Variants in CYTH1 observed in about 807,000 individuals in gnomAD.
The protein encoded by CYTH1 is cytohesin 1, also known as cytohesin-1.
In CYTH1, 18 loss-of-function variants were observed where a neutral mutation model predicts 61.8. The observed-to-expected ratio is 0.29, with a 90% CI of 0.20 to 0.43. The LOEUF (loss-of-function observed/expected upper bound fraction) is 0.43, where lower values mean the gene tolerates loss of function less well. CYTH1 is among the 20% of genes least tolerant of loss of function. The pLI is 1.00. For missense variants in CYTH1, 336 were observed against 510.5 expected (o/e 0.66, Z 3.29); for synonymous variants, 174 against 184.3 (o/e 0.94, Z 0.45).
At chr17:78,726,505 C>G (rs147668863) in intron 1 of CYTH1, among the ~76,000 whole-genome samples, 36 of 152,202 alleles carry the variant, frequency 2.4e-4, no homozygotes, top group African/African-American at 7.0e-4. Context: ...AAAAAAGAAA[C>G]AGGCAGCCCG....
rs552747887 is a variant in CYTH1, at chr17:78,695,560, G to GT, written c.814+446dup. Among the ~76,000 whole-genome samples the GT allele has an allele frequency of 1.3e-4, 20 of 152,266 alleles. 1 individual carries two copies. Among genetic ancestry groups the GT allele is most frequent in the South Asian group, 8.3e-4 (4 of 4,830 alleles). On this transcript the variant is annotated intron_variant, in intron 10 of 13. Coordinates refer to ENST00000446868, the MANE Select transcript of CYTH1 (RefSeq NM_004762.6). ...AAGTCAAGACTTTGTTCTCTCTGGAGTAAGTCTCAGCTTGAAAAAAGAAGA... is the reference window on the plus strand; with the variant it reads ...AAGTCAAGACTTTGTTCTCTCTGGAGTTAAGTCTCAGCTTGAAAAAAGAAGA...
At chr17:78,708,340 C>T (rs547366215) in intron 2 of CYTH1, 79 bp from the exon 3 acceptor site, 18 of 1,320,338 alleles carry the variant, frequency 1.4e-5, no homozygotes, top group Middle Eastern at 1.8e-4. Context: ...CACATAACTC[C>T]CTCCAACCAA....
chr17:78,702,658 G>C, intron 3 of CYTH1, 54 bp from the exon 4 acceptor site: 1 of 1,546,794 alleles, frequency 6.5e-7, no homozygotes, highest in Non-Finnish European at 8.9e-7. Context: ...GGAAAGGCTT[G>C]AAAGACTAAT....
At chr17:78,681,096 T>A in intron 11 of CYTH1, 54 bp from the exon 12 acceptor site, 1 of 1,566,308 alleles carries the variant, frequency 6.4e-7, no homozygotes, top group Non-Finnish European at 8.7e-7. Flanking sequence ...GGACACACAC[T>A]GTCAGATTCC....
chr17:78,678,247 T>C (rs1567819967), intron 13 of CYTH1: 1 of 152,206 alleles, frequency 6.6e-6, no homozygotes, highest in East Asian at 1.9e-4. Context: ...GAAAGACACA[T>C]GTACAAAACC....
chr17:78,692,291 C>CT, intron 11 of CYTH1, 126 bp downstream of exon 11: 1 of 971,594 alleles, frequency 1.0e-6, no homozygotes, highest in Non-Finnish European at 1.6e-6. Context: ...TGCTTAAACT[C>CT]TCCCCCATCC....
At chr17:78,696,119 G>A (rs1382785572) in intron 9 of CYTH1, 110 bp from the exon 10 acceptor site, 1 of 1,322,908 alleles carries the variant, frequency 7.6e-7, no homozygotes, top group African/African-American at 1.5e-5. Flanking sequence ...ATCTTAAAGT[G>A]CAATGTATCA....
intron 11 of CYTH1, among the ~76,000 whole-genome samples, chr17:78,690,838 C>T (rs929442490): frequency 6.6e-5 from 10 of 152,154 alleles, no homozygotes; most frequent in African/African-American, 2.4e-4. Context: ...TCTAGAATCT[C>T]GTAGCATTGC....
intron 1 of CYTH1, among the ~76,000 whole-genome samples, chr17:78,768,956 G>A (rs918321791): frequency 6.6e-6 from 1 of 152,066 alleles, no homozygotes; most frequent in Non-Finnish European, 1.5e-5. Flanking sequence ...GACCAGCCTG[G>A]CCAACATGGC....
At chr17:78,679,193 G>A (rs1306153008) in intron 13 of CYTH1, among the ~76,000 whole-genome samples, 1 of 152,214 alleles carries the variant, frequency 6.6e-6, no homozygotes, top group Non-Finnish European at 1.5e-5. Context: ...AGTACACAGA[G>A]GACTTACAGG....
intron 1 of CYTH1, among the ~76,000 whole-genome samples, chr17:78,711,458 T>A (rs933427181): frequency 6.6e-6 from 1 of 151,978 alleles, no homozygotes; most frequent in Non-Finnish European, 1.5e-5. Flanking sequence ...TAGTATGAAA[T>A]AAAAGTGCAT....
intron 1 of CYTH1, among the ~76,000 whole-genome samples, chr17:78,757,660 AG>A (rs2093407100): frequency 6.6e-6 from 1 of 152,136 alleles, no homozygotes; most frequent in Non-Finnish European, 1.5e-5. Context: ...AGCCGGGTGC[AG>A]TAGCTCATGC....
chr17:78,741,335 GACCA>G (rs1294157661), intron 1 of CYTH1, among the ~76,000 whole-genome samples: 1 of 151,702 alleles, frequency 6.6e-6, no homozygotes, highest in East Asian at 1.9e-4. Context: ...AGGAGTTCAA[GACCA>G]ACCTGGGCAA....
At chr17:78,760,495 A>AGTT (rs1471025159) in intron 1 of CYTH1, among the ~76,000 whole-genome samples, 1 of 49,464 alleles carries the variant, frequency 2.0e-5, no homozygotes, top group African/African-American at 1.1e-4. Context: ...GTATATATAT[A>AGTT]TACATATATA....
chr17:78,722,065 G>A (rs1370664186), intron 1 of CYTH1, among the ~76,000 whole-genome samples: 1 of 151,884 alleles, frequency 6.6e-6, no homozygotes, highest in African/African-American at 2.4e-5. Flanking sequence ...AAAAAAGTAA[G>A]GTATCAAAAA....
intron 1 of CYTH1, among the ~76,000 whole-genome samples, chr17:78,721,533 G>A (rs1350780370): frequency 1.1e-4 from 16 of 152,154 alleles, no homozygotes; most frequent in Admixed American, 1.0e-3. Context: ...ATCTATTAAA[G>A]GCTTTTATTA....
chr17:78,701,175 G>A (rs1053917368), intron 6 of CYTH1, among the ~76,000 whole-genome samples: 1 of 152,182 alleles, frequency 6.6e-6, no homozygotes, highest in African/African-American at 2.4e-5. Flanking sequence ...CAGCTGACAG[G>A]TTTAATTGTG....
At chr17:78,745,785 G>A (rs954517495) in intron 1 of CYTH1, among the ~76,000 whole-genome samples, 5 of 152,136 alleles carry the variant, frequency 3.3e-5, no homozygotes, top group South Asian at 2.1e-4. Flanking sequence ...CCAGCTACTC[G>A]GGAGGCTGAG....
chr17:78,741,752 C>A (rs1023203411), intron 1 of CYTH1, among the ~76,000 whole-genome samples: 7 of 152,196 alleles, frequency 4.6e-5, no homozygotes, highest in African/African-American at 1.4e-4. Context: ...TGACTTCACT[C>A]TTCTCTCACC....
Sources: gnomAD v4.1 joint callset for allele counts (sites outside exome capture counted in the v4.1 genomes callset) on GRCh38, gnomAD v4.1.1 for gene constraint, MANE v1.5 for transcripts, NCBI Gene and HGNC (gene_info 2026-07-23, HGNC 2026-07-21) for gene names.